CD109: variants seen among roughly 807,000 people sequenced by gnomAD.
CD109 encodes CD109 antigen.
Under a neutral mutation model 165.8 loss-of-function variants are expected in CD109, and 149 were observed. The ratio of observed to expected loss-of-function variants is 0.90; its 90% CI spans 0.79 to 1.03. The LOEUF is 1.03. Among genes scored for constraint, CD109 ranks in the 50% least tolerant of loss-of-function variants. CD109 has a pLI of 0.00. For missense variants in CD109, 1,712 were observed against 1,677.8 expected, an observed-to-expected ratio of 1.02 and a Z score of -0.36; for synonymous variants, 585 against 592.1, an observed-to-expected ratio of 0.99 and a Z score of 0.18.
In CD109 at chr6:73,828,131, G is replaced by A. The variant is rs1368683543; in HGVS notation, c.*4498G>A. On this transcript the variant is annotated 3_prime_UTR_variant, in exon 33 of 33. Coordinates refer to ENST00000287097, the MANE Select transcript of CD109 (RefSeq NM_133493.5). ...TTCATTCACGAATCTCTTATTTTGG[G>A]AAGCTGTTTTGCATATGAGAAGAAC... 6.5e-6 allele frequency: 1 copy of A among 154,762 alleles called. No individual in the cohort carries two copies. The highest frequency in any genetic ancestry group is 2.4e-5 in the African/African-American group (1 of 41,506). 9.6% of individuals were successfully genotyped at this position (154,762 alleles called of 1,614,324 possible). A position where few individuals can be genotyped will look rare whatever the true frequency, so the allele number is the denominator to read the frequency against.
intron 5 of CD109, among the ~76,000 whole-genome samples, chr6:73,752,401 TA>T (rs890342151): frequency 2.6e-5 from 4 of 152,192 alleles, no homozygotes; most frequent in African/African-American, 7.2e-5. Context: ...ACATACTTCT[TA>T]AAAGGGTGGT....
chr6:73,727,247 C>T (rs930322653), intron 3 of CD109, among the ~76,000 whole-genome samples: 2 of 152,256 alleles, frequency 1.3e-5, no homozygotes, highest in East Asian at 1.9e-4. Flanking sequence ...TCTGCATTGA[C>T]ACCACAAGAC....
At chr6:73,799,729 A>G (rs2150282449) in intron 23 of CD109, among the ~76,000 whole-genome samples, 1 of 152,328 alleles carries the variant, frequency 6.6e-6, no homozygotes, top group South Asian at 2.1e-4. Context: ...GAGGATTATA[A>G]TTGAACATGA....
chr6:73,784,561 G>A (rs988697276), intron 19 of CD109, among the ~76,000 whole-genome samples: 2 of 152,096 alleles, frequency 1.3e-5, no homozygotes, highest in East Asian at 1.9e-4. Flanking sequence ...TAGCACCTTC[G>A]AGTCATGGTG....
Position 73,756,663 on chromosome 6 carries a change from A to C in CD109, c.654A>C (p.Ser218=), listed in dbSNP as rs181408445. ...AATAGGACCAGACATACTATCAATC[A>C]TTTCAGGTTTCAGAATATGGTAAGA... The part of the protein sequence containing the change: ...VQVNDQTYYQ[S]FQVSEYVLPK... The change falls in exon 6 of 33, where the codon TCA becomes TCC. Residue 218 remains serine (S), a synonymous_variant. Transcript: ENST00000287097. 1 of 1,548,606 alleles carries C rather than the reference A, an allele frequency of 6.5e-7. No individual in the cohort carries two copies. Among genetic ancestry groups the C allele is most frequent in the Admixed American group, 2.0e-5 (1 of 49,130 alleles).
At chr6:73,806,728 T>TC in intron 24 of CD109, 116 bp from the exon 25 acceptor site, 1 of 677,276 alleles carries the variant, frequency 1.5e-6, no homozygotes, top group Non-Finnish European at 2.5e-6. Context: ...CTTCAGTGAT[T>TC]CCCCCTTTGA....
intron 2 of CD109, among the ~76,000 whole-genome samples, chr6:73,710,528 T>A (rs1771488594): frequency 6.6e-6 from 1 of 152,128 alleles, no homozygotes; most frequent in South Asian, 2.1e-4. Flanking sequence ...CAATTTTTTC[T>A]ATTTTTTTTT....
intron 26 of CD109, among the ~76,000 whole-genome samples, chr6:73,808,534 T>C (rs1163526642): frequency 6.6e-6 from 1 of 152,128 alleles, no homozygotes; most frequent in Non-Finnish European, 1.5e-5. Context: ...GGCAGCCTTG[T>C]AGTTTGCTAA....
At chr6:73,739,961 T>C (rs1772705955) in intron 5 of CD109, among the ~76,000 whole-genome samples, 1 of 152,216 alleles carries the variant, frequency 6.6e-6, no homozygotes, top group African/African-American at 2.4e-5. Context: ...CTCGAACTCC[T>C]GGGCTCAAGT....
Position 73,811,021 on chromosome 6 carries a change from T to G in CD109, c.3576T>G (p.Ser1192=). Residue 1192 remains serine, a synonymous_variant, in exon 28 of 33, where the codon TCT becomes TCG. Coordinates refer to ENST00000287097, the MANE Select transcript of CD109 (RefSeq NM_133493.5). ...CCACTGTGGCTTTAAAGGCTCTGTC[T>G]GAATTTGCAGCCCTAATGAATACAG... ...QDTTVALKAL[S]EFAALMNTER... is the part of the protein sequence containing the mutation. 1 of 1,613,360 alleles carries G rather than the reference T, an allele frequency of 6.2e-7. No individual in the cohort carries two copies. Among genetic ancestry groups the G allele is most frequent in the Non-Finnish European group, 8.5e-7 (1 of 1,179,478 alleles).
chr6:73,708,556 T>C (rs1771393627), intron 2 of CD109, among the ~76,000 whole-genome samples: 1 of 152,198 alleles, frequency 6.6e-6, no homozygotes, highest in Non-Finnish European at 1.5e-5. Flanking sequence ...TAGTTATAGA[T>C]CCCTGAGGAA....
At chr6:73,753,348 A>C (rs1773267600) in intron 5 of CD109, among the ~76,000 whole-genome samples, 1 of 152,186 alleles carries the variant, frequency 6.6e-6, no homozygotes, top group Admixed American at 6.5e-5. Context: ...AATTCTCTGA[A>C]TTATTATTAA....
intron 8 of CD109, 87 bp from the exon 9 acceptor site, chr6:73,762,654 T>C: frequency 9.1e-7 from 1 of 1,100,236 alleles, no homozygotes; most frequent in South Asian, 1.5e-5. Flanking sequence ...ACCAGAGCTA[T>C]CATATTGTTG....
intron 10 of CD109, among the ~76,000 whole-genome samples, chr6:73,764,081 T>C (rs183824597): frequency 6.0e-4 from 92 of 152,274 alleles, no homozygotes; most frequent in African/African-American, 2.0e-3. Flanking sequence ...CAAATCTCAT[T>C]TTTTGGAGAT....
In CD109 at chr6:73,825,104, T is replaced by C. The variant is rs1776230344; in HGVS notation, c.*1471T>C. ...AAAAATGCTCTTATTTTAGTGAATT[T>C]TCAGAAATTATAGTGGAATGGATGC... On this transcript the variant is annotated 3_prime_UTR_variant, in exon 33 of 33. Coordinates refer to ENST00000287097, the MANE Select transcript of CD109 (RefSeq NM_133493.5). 6.6e-6 allele frequency: 1 copy of C among 152,238 alleles called. No individual in the cohort carries two copies. The highest frequency in any genetic ancestry group is 2.4e-5 in the African/African-American group (1 of 41,456). 9.4% of individuals were successfully genotyped at this position (152,238 alleles called of 1,614,324 possible).
chr6:73,827,397 T>A lies in CD109; in HGVS notation c.*3764T>A, dbSNP rs1278814972. On this transcript the variant is annotated 3_prime_UTR_variant, in exon 33 of 33. Transcript: ENST00000287097. ...CAGGCAGAAGAGTGTATTCCTCACTTTTTTTTTTGTCTTCAAATTCCAGTA... is the reference window on the plus strand; with the variant it reads ...CAGGCAGAAGAGTGTATTCCTCACTATTTTTTTTGTCTTCAAATTCCAGTA... 6.6e-6 allele frequency: 1 copy of A among 150,404 alleles called. No individual in the cohort carries two copies. Among genetic ancestry groups the A allele is most frequent in the Non-Finnish European group, 1.5e-5 (1 of 67,404 alleles). 9.3% of individuals were successfully genotyped at this position (150,404 alleles called of 1,614,324 possible).
At chr6:73,810,293 AAT>A in intron 27 of CD109, 119 bp downstream of exon 27, 1 of 301,868 alleles carries the variant, frequency 3.3e-6, no homozygotes, top group Non-Finnish European at 5.2e-6. Context: ...ATATATAAAA[AAT>A]ATTTTTAAAA....
chr6:73,816,482 T>A (rs1775941331), intron 30 of CD109, among the ~76,000 whole-genome samples: 1 of 152,184 alleles, frequency 6.6e-6, no homozygotes, highest in Non-Finnish European at 1.5e-5. Flanking sequence ...ATTCCTGGCC[T>A]CAAGTGATCC....
the CD109 span, among the ~76,000 whole-genome samples, chr6:73,687,716 G>T: frequency 1.3e-5 from 2 of 152,292 alleles, no homozygotes; most frequent in African/African-American, 4.8e-5. Flanking sequence ...CCTTGACCAT[G>T]AAACTTGCTC....
Sources: allele counts gnomAD v4.1 joint callset (sites outside exome capture counted in the v4.1 genomes callset), GRCh38; gene constraint gnomAD v4.1.1; transcripts MANE v1.5; gene names NCBI Gene and HGNC (gene_info 2026-07-23, HGNC 2026-07-21).